The following CEP63 variants were observed in gnomAD, a reference collection of about 807,000 sequenced individuals.
CEP63 encodes centrosomal protein of 63 kDa.
CEP63 carries 84 observed loss-of-function variants against 89.1 expected under a neutral mutation model. The observed-to-expected ratio is 0.94, with a 90% confidence interval of 0.79 to 1.13. The LOEUF is 1.13. Ranked by LOEUF, CEP63 falls within the 50% of genes most tolerant of loss-of-function variation. CEP63 has a pLI of 0.00. For missense variants in CEP63, 838 were observed against 813.3 expected, an observed-to-expected ratio of 1.03 and a Z score of -0.37; for synonymous variants, 267 against 272.5, an observed-to-expected ratio of 0.98 and a Z score of 0.20.
chr3:134,635,656 T>C, the CEP63 span, among the ~76,000 whole-genome samples: 9 of 152,286 alleles, frequency 5.9e-5, no homozygotes, highest in South Asian at 8.3e-4. Context: ...GTAACCACCA[T>C]AGTGGTGGTT....
the CEP63 span, among the ~76,000 whole-genome samples, chr3:134,750,908 G>T: frequency 6.6e-6 from 1 of 152,196 alleles, no homozygotes; most frequent in Non-Finnish European, 1.5e-5. Flanking sequence ...GGCATTTATG[G>T]ATTCACAATG....
At chr3:134,576,193 C>T (rs1363538397), downstream of CEP63, among the ~76,000 whole-genome samples, 1 of 152,134 alleles carries the variant, frequency 6.6e-6, no homozygotes, top group Non-Finnish European at 1.5e-5. Context: ...CATTGCAAGC[C>T]AGCCCTTTCT....
At chr3:134,701,191 T>C in the CEP63 span, among the ~76,000 whole-genome samples, 1,362 of 98,920 alleles carry the variant, frequency 0.014, 6 homozygotes, top group East Asian at 0.031. Context: ...TATATATATA[T>C]ACACACACAT....
the CEP63 span, among the ~76,000 whole-genome samples, chr3:134,745,640 C>T: frequency 3.3e-5 from 5 of 151,970 alleles, no homozygotes; most frequent in Non-Finnish European, 5.9e-5. Context: ...CCCATTAACT[C>T]GTCATTTACA....
chr3:134,569,332 A>G (rs1957923502), downstream of CEP63, among the ~76,000 whole-genome samples: 1 of 152,268 alleles, frequency 6.6e-6, no homozygotes, highest in Admixed American at 6.5e-5. Context: ...ATCTGAGCCG[A>G]TGAGCCTGTA....
intron 14 of CEP63, among the ~76,000 whole-genome samples, chr3:134,559,869 C>T (rs1234972246): frequency 2.0e-5 from 3 of 152,148 alleles, no homozygotes; most frequent in Non-Finnish European, 4.4e-5. Context: ...GCTTGGGGGT[C>T]ACAGATGGTG....
At chr3:134,657,419 A>G in the CEP63 span, among the ~76,000 whole-genome samples, 4 of 152,224 alleles carry the variant, frequency 2.6e-5, no homozygotes, top group Admixed American at 2.6e-4. Context: ...TTTATTTAAA[A>G]AGTATAATTG....
chr3:134,537,357 G>T, intron 6 of CEP63, 89 bp downstream of exon 6: 1 of 827,110 alleles, frequency 1.2e-6, no homozygotes, highest in Admixed American at 1.9e-5. Flanking sequence ...GTACCATTTA[G>T]CCTCTTTCAG....
the CEP63 span, among the ~76,000 whole-genome samples, chr3:134,609,086 T>G: frequency 6.6e-6 from 1 of 152,176 alleles, no homozygotes; most frequent in Non-Finnish European, 1.5e-5. Context: ...CCCTAGGCTG[T>G]CGAGGGGAAA....
chr3:134,555,776 T>C (rs1172491471), intron 12 of CEP63, among the ~76,000 whole-genome samples: 1 of 151,072 alleles, frequency 6.6e-6, no homozygotes, highest in African/African-American at 2.4e-5. Context: ...AAAACTACTT[T>C]AAAGTTCATA....
the CEP63 span, among the ~76,000 whole-genome samples, chr3:134,691,221 C>T: frequency 6.8e-5 from 10 of 147,488 alleles, no homozygotes; most frequent in Admixed American, 6.1e-4. Flanking sequence ...AGCTGGGTGT[C>T]GTGCTGTATG....
chr3:134,559,019 T>G, intron 13 of CEP63, 131 bp from the exon 14 acceptor site: 1 of 839,408 alleles, frequency 1.2e-6, no homozygotes, highest in Non-Finnish European at 1.9e-6. Flanking sequence ...CTTTCTGATC[T>G]GAGTAGGTTG....
the CEP63 span, among the ~76,000 whole-genome samples, chr3:134,669,919 G>C: frequency 6.6e-6 from 1 of 152,188 alleles, no homozygotes; most frequent in African/African-American, 2.4e-5. Flanking sequence ...TTTGGAGATG[G>C]AGCCTTTGGG....
the CEP63 span, among the ~76,000 whole-genome samples, chr3:134,691,879 C>T: frequency 6.6e-6 from 1 of 151,980 alleles, no homozygotes; most frequent in Admixed American, 6.6e-5. Flanking sequence ...GCCACCACAT[C>T]CAGCTAATTT....
chr3:134,756,412 C>T, the CEP63 span, among the ~76,000 whole-genome samples: 2 of 152,202 alleles, frequency 1.3e-5, no homozygotes, highest in Non-Finnish European at 2.9e-5. Flanking sequence ...GATATGATTA[C>T]AGTTCAATGA....
chr3:134,496,621 T>C (rs538111109), intron 2 of CEP63, among the ~76,000 whole-genome samples: 54 of 152,326 alleles, frequency 3.5e-4, no homozygotes, highest in African/African-American at 1.3e-3. Context: ...AGTCTTGCTC[T>C]TTTTGTGGCC....
intron 12 of CEP63, among the ~76,000 whole-genome samples, chr3:134,556,067 C>T (rs1190118576): frequency 6.8e-6 from 1 of 147,844 alleles, no homozygotes; most frequent in Non-Finnish European, 1.5e-5. Flanking sequence ...AACTGGCTAG[C>T]CATATGTAGA....
chr3:134,608,151 C>A, the CEP63 span: 3 of 1,145,480 alleles, frequency 2.6e-6, no homozygotes, highest in Non-Finnish European at 3.3e-6. Context: ...GATTCCAGCT[C>A]TGCTGAGGCC....
At chr3:134,721,050 A>G in the CEP63 span, among the ~76,000 whole-genome samples, 1 of 152,098 alleles carries the variant, frequency 6.6e-6, no homozygotes, top group Non-Finnish European at 1.5e-5. Flanking sequence ...TCTGTAGGTT[A>G]ATTTGGGGAG....
Sources: gnomAD v4.1 joint callset for allele counts (sites outside exome capture counted in the v4.1 genomes callset) on GRCh38, gnomAD v4.1.1 for gene constraint, MANE v1.5 for transcripts, NCBI Gene and HGNC (gene_info 2026-07-23, HGNC 2026-07-21) for gene names.